CFAP45: variants seen among roughly 807,000 people sequenced by gnomAD.
The protein encoded by CFAP45 is cilia- and flagella-associated protein 45.
A neutral mutation model predicts 75.6 loss-of-function variants in CFAP45; 43 were observed. The observed-to-expected ratio is 0.57, with a 90% CI of 0.45 to 0.73. The LOEUF (loss-of-function observed/expected upper bound fraction) is 0.73, where lower values mean the gene tolerates loss of function less well. Among genes scored for constraint, CFAP45 ranks in the 30% least tolerant of loss-of-function variants. The probability of loss-of-function intolerance (pLI) is 0.00; values close to 1 mark genes in which losing one functional copy is unlikely to be tolerated. For synonymous variants in CFAP45, 223 were observed against 244.6 expected (o/e 0.91, Z 0.82); for missense variants, 689 against 701.5 (o/e 0.98, Z 0.20).
intron 7 of CFAP45, among the ~76,000 whole-genome samples, chr1:159,881,028 C>T (rs924369245): frequency 2.0e-5 from 3 of 152,210 alleles, no homozygotes; most frequent in Non-Finnish European, 4.4e-5. Flanking sequence ...TGGCTTTGCT[C>T]ATGGTGCTTC....
chr1:159,893,137 G>T (rs763313639), intron 2 of CFAP45, 43 bp downstream of exon 2: 16 of 1,609,010 alleles, frequency 9.9e-6, no homozygotes, highest in Non-Finnish European at 1.4e-5. Context: ...TTGGGCCTCT[G>T]CCTGCAGGTG....
rs2501320 is a variant in CFAP45 at position 159,890,469 on chromosome 1, G to A, written c.272+11C>T. ...GACTGGACATAGAAGGGCAGGGGACGGTGTACTCACATGAGTTCTCGGACC... is the reference window on the plus strand; with the variant it reads ...GACTGGACATAGAAGGGCAGGGGACAGTGTACTCACATGAGTTCTCGGACC... On this transcript the variant is annotated intron_variant, in intron 3 of 11. Transcript: ENST00000368099. The A allele has an allele frequency of 0.31, 507,659 of 1,612,524 alleles. 85,227 individuals carry two copies. The highest frequency in any genetic ancestry group is 0.35 in the Non-Finnish European group (413,783 of 1,178,678).
intron 11 of CFAP45, 87 bp downstream of exon 11, chr1:159,872,857 C>T: frequency 1.5e-6 from 2 of 1,332,914 alleles, no homozygotes; most frequent in Non-Finnish European, 2.1e-6. Context: ...TGGCCCTTCA[C>T]CCCCAAATCC....
chr1:159,899,761 C>G (rs1650031198), intron 1 of CFAP45, among the ~76,000 whole-genome samples: 1 of 152,296 alleles, frequency 6.6e-6, no homozygotes, highest in South Asian at 2.1e-4. Flanking sequence ...GCCACCGCGC[C>G]CGGCCCACCA....
chr1:159,898,443 A>G (rs1233253456), intron 1 of CFAP45, among the ~76,000 whole-genome samples: 1 of 152,244 alleles, frequency 6.6e-6, no homozygotes, highest in Non-Finnish European at 1.5e-5. Context: ...CCTAGTGAGT[A>G]GCACTATACG....
At chr1:159,876,200 A>T (rs1279208328) in intron 10 of CFAP45, 1 of 307,310 alleles carries the variant, frequency 3.3e-6, no homozygotes, top group African/African-American at 2.1e-5. Flanking sequence ...ATCTTTCCTA[A>T]ACCACTCCTC....
rs779120554 is a variant in CFAP45, at chr1:159,873,050, G to A, written c.1471C>T (p.Gln491Ter). The change falls in exon 11 of 12, where the codon CAG becomes TAG. Residue 491 changes from glutamine to a stop codon, truncating the protein, a stop_gained. Coordinates refer to ENST00000368099, the MANE Select transcript of CFAP45 (RefSeq NM_012337.3). LOFTEE classifies it high-confidence loss of function. ...QVRENQQKEVQNRIATFEEGR... is the reference protein window; with the variant it reads ...QVRENQQKEV ...TCCTCAAAGGTGGCAATCCGGTTCT[G>A]CACTTCCTTCTGCTGGTTCTCGCGC... The A allele has an allele frequency of 6.2e-7, 1 of 1,614,210 alleles. No homozygotes were observed. Among genetic ancestry groups the A allele is most frequent in the Non-Finnish European group, 8.5e-7 (1 of 1,180,034 alleles).
At chr1:159,887,817 G>T in intron 5 of CFAP45, 24 bp downstream of exon 5, 1 of 1,600,636 alleles carries the variant, frequency 6.2e-7, no homozygotes, top group Non-Finnish European at 8.5e-7. Context: ...ATGCTCAGAG[G>T]GAAGGGAGAG....
intron 6 of CFAP45, 83 bp downstream of exon 6, chr1:159,886,428 C>T: frequency 8.6e-7 from 1 of 1,165,880 alleles, no homozygotes; most frequent in Non-Finnish European, 1.3e-6. Context: ...CATTTCTCAT[C>T]TCTTCCCTCT....
chr1:159,877,141 T>C (rs1382206821), intron 9 of CFAP45, among the ~76,000 whole-genome samples: 1 of 152,202 alleles, frequency 6.6e-6, no homozygotes, highest in Non-Finnish European at 1.5e-5. Flanking sequence ...AACTTTCTCT[T>C]GAACCTTAAG....
chr1:159,900,124 G>A lies in CFAP45; in HGVS notation c.-26C>T, dbSNP rs1272583559. 1.2e-6 allele frequency: 2 copies of A among 1,613,888 alleles called. No individual in the cohort carries two copies. Among genetic ancestry groups the A allele is most frequent in the Admixed American group, 1.7e-5 (1 of 59,990 alleles). On this transcript the variant is annotated 5_prime_UTR_variant, in exon 1 of 12. Coordinates refer to ENST00000368099, the MANE Select transcript of CFAP45 (RefSeq NM_012337.3). ...CTCCTCAGCCACACGCCCTGACTCC[G>A]GACTTCTGCTGCCGCCTCGGCGCCG...
In CFAP45 at chr1:159,893,266, C is replaced by T. The variant is rs544005243; in HGVS notation, c.43G>A (p.Ala15Thr). The change falls in exon 2 of 12, where the codon GCT becomes ACT. Residue 15 changes from alanine (A) to threonine (T), a missense_variant. Transcript: ENST00000368099. ...TAGILSSSSA[A>T]SNRSRNKARY... ...GCCTTATTCCTTGACCTGTTGGAAGCGGCAGAAGAGGAGCTCAGGATGCCA... is the reference window on the plus strand; with the variant it reads ...GCCTTATTCCTTGACCTGTTGGAAGTGGCAGAAGAGGAGCTCAGGATGCCA... 38 of 1,613,584 alleles carry T rather than the reference C, an allele frequency of 2.4e-5. No individual in the cohort carries two copies. The highest frequency in any genetic ancestry group is 8.3e-5 in the Admixed American group (5 of 60,006).
intron 2 of CFAP45, among the ~76,000 whole-genome samples, chr1:159,892,513 T>C (rs1649852889): frequency 1.3e-5 from 2 of 152,112 alleles, no homozygotes; most frequent in Admixed American, 6.5e-5. Context: ...TCACTACTAG[T>C]GTCTCTCTTT....
intron 3 of CFAP45, among the ~76,000 whole-genome samples, chr1:159,889,005 A>G (rs1649762640): frequency 6.6e-6 from 1 of 152,172 alleles, no homozygotes; most frequent in African/African-American, 2.4e-5. Flanking sequence ...TTAAATTTTA[A>G]AAACAGATTA....
Position 159,893,433 on chromosome 1 carries a change from C to T in CFAP45, c.4-128G>A, listed in dbSNP as rs959015602. 23 of 876,160 alleles carry T rather than the reference C, an allele frequency of 2.6e-5. No homozygotes were observed. The South Asian group carries it at 2.6e-4, about 10-fold the overall frequency. 54.3% of individuals were successfully genotyped at this position (876,160 alleles called of 1,614,324 possible). On this transcript the variant is annotated intron_variant, in intron 1 of 11. Transcript: ENST00000368099. ...GTGAAAAAGAAACAGTTAGGGAAAGCGGCTGTGTAAACTCTGAACCATAGG... is the reference window on the plus strand; with the variant it reads ...GTGAAAAAGAAACAGTTAGGGAAAGTGGCTGTGTAAACTCTGAACCATAGG...
chr1:159,873,849 C>CCTTCCTTCCTTCCTTCCTTCATCCTTG (rs55838631), intron 10 of CFAP45, among the ~76,000 whole-genome samples: 11 of 136,692 alleles, frequency 8.0e-5, no homozygotes, highest in Admixed American at 5.4e-4. Flanking sequence ...TTCCTTCCTT[C>CCTTCCTTCCTTCCTTCCTTCATCCTTG]CTTCCTTCCT....
chr1:159,884,483 C>T lies in CFAP45; in HGVS notation c.850G>A (p.Glu284Lys), dbSNP rs765009883. Residue 284 changes from glutamate (E) to lysine (K), a missense_variant, in exon 7 of 12, where the codon GAG (glutamate) becomes AAG (lysine). By Grantham distance (56) the Glu-to-Lys change is moderately conservative (BLOSUM62 1). Coordinates refer to ENST00000368099, the MANE Select transcript of CFAP45 (RefSeq NM_012337.3). ...LLAEQREQEK[E>K]QMLEYMEQLQ... ...TGTTCCATATATTCCAGCATCTGCT[C>T]CTTCTCCTGCTCCCGCTGCTCAGCA... 13 of 1,613,956 alleles carry T rather than the reference C, an allele frequency of 8.1e-6. No individual in the cohort carries two copies. The highest frequency in any genetic ancestry group is 1.6e-4 in the Middle Eastern group (1 of 6,062).
intron 1 of CFAP45, chr1:159,898,185 T>C (rs1649994381): frequency 1.0e-6 from 1 of 985,102 alleles, no homozygotes; most frequent in Non-Finnish European, 1.2e-6. Context: ...GAAAGGGAGA[T>C]TCCCATGCAC....
At chr1:159,884,698 T>C (rs956293681) in intron 6 of CFAP45, 133 bp from the exon 7 acceptor site, 1 of 906,560 alleles carries the variant, frequency 1.1e-6, no homozygotes, top group Non-Finnish European at 1.7e-6. Flanking sequence ...TAAACATGAA[T>C]ATGCTTCATG....
Sources: allele counts gnomAD v4.1 joint callset (sites outside exome capture counted in the v4.1 genomes callset), GRCh38; gene constraint gnomAD v4.1.1; transcripts MANE v1.5; gene names NCBI Gene and HGNC (gene_info 2026-07-23, HGNC 2026-07-21).